MGAT4C: variants seen among roughly 807,000 people sequenced by gnomAD.
MGAT4C encodes alpha-1,3-mannosyl-glycoprotein 4-beta-N-acetylglucosaminyltransferase C.
In MGAT4C, 19 loss-of-function variants were observed where a neutral mutation model predicts 40.1. That is an observed-to-expected ratio of 0.47 (90% CI 0.33 to 0.70). The LOEUF is 0.70. Among genes scored for constraint, MGAT4C ranks in the 30% least tolerant of loss-of-function variants. MGAT4C has a pLI of 0.02. For synonymous variants in MGAT4C, 181 were observed against 187.1 expected, an observed-to-expected ratio of 0.97 and a Z score of 0.27; for missense variants, 491 against 563.2, an observed-to-expected ratio of 0.87 and a Z score of 1.30.
At chr12:86,473,946 T>C (rs1281345128) in intron 2 of MGAT4C, among the ~76,000 whole-genome samples, 1 of 152,082 alleles carries the variant, frequency 6.6e-6, no homozygotes, top group Admixed American at 6.6e-5. Flanking sequence ...TATCAATGGA[T>C]AAAATGAAAA....
chr12:86,786,452 A>G (rs530844356), intron 1 of MGAT4C, among the ~76,000 whole-genome samples: 1 of 152,266 alleles, frequency 6.6e-6, no homozygotes, highest in South Asian at 2.1e-4. Flanking sequence ...GAAGAAAGCA[A>G]GAACAAAGCA....
intron 3 of MGAT4C, among the ~76,000 whole-genome samples, chr12:86,355,754 A>T (rs1955295292): frequency 6.6e-6 from 1 of 152,136 alleles, no homozygotes; most frequent in Non-Finnish European, 1.5e-5. Flanking sequence ...AATAAATAGT[A>T]AAAAAATTTT....
At chr12:86,654,928 TA>T (rs1469198829) in intron 2 of MGAT4C, among the ~76,000 whole-genome samples, 6 of 152,030 alleles carry the variant, frequency 3.9e-5, no homozygotes, top group Non-Finnish European at 8.8e-5. Context: ...TGAAAATAAA[TA>T]AATTATAGAA....
At chr12:86,008,229 T>C (rs1888096311) in intron 2 of MGAT4C, among the ~76,000 whole-genome samples, 1 of 152,016 alleles carries the variant, frequency 6.6e-6, no homozygotes, top group Non-Finnish European at 1.5e-5. Flanking sequence ...ATTTAGAATT[T>C]GAGAATTTGC....
intron 1 of MGAT4C, among the ~76,000 whole-genome samples, chr12:86,232,271 T>C (rs1951355874): frequency 6.6e-6 from 1 of 152,238 alleles, no homozygotes; most frequent in Admixed American, 6.5e-5. Context: ...CCAACACTTA[T>C]TTAACAAATA....
chr12:86,354,859 A>C (rs1955270987), intron 3 of MGAT4C, among the ~76,000 whole-genome samples: 2 of 152,208 alleles, frequency 1.3e-5, no homozygotes, highest in Admixed American at 1.3e-4. Flanking sequence ...ACAGCTCTTA[A>C]AGATGGCAAA....
intron 2 of MGAT4C, among the ~76,000 whole-genome samples, chr12:86,572,445 C>T (rs1960403139): frequency 6.6e-6 from 1 of 152,092 alleles, no homozygotes; most frequent in African/African-American, 2.4e-5. Flanking sequence ...ATATACATAA[C>T]CCTGATTTTA....
In MGAT4C at chr12:85,965,786, A is replaced by G. The variant is rs1435448860; in HGVS notation, c.*13503T>C. The G allele has an allele frequency of 2.0e-5, 3 of 152,058 alleles. No individual in the cohort carries two copies. The highest frequency in any genetic ancestry group is 4.4e-5 in the Non-Finnish European group (3 of 68,008). 9.4% of individuals were successfully genotyped at this position (152,058 alleles called of 1,614,324 possible). A position where few individuals can be genotyped will look rare whatever the true frequency, so the allele number is the denominator to read the frequency against. ...TTAACTTAAAAACTTAGAATTGTCA[A>G]TTCTGTCCAAGTCTCTGAGTCATGT... is the stretch of plus-strand genomic sequence containing the variant. On this transcript the variant is annotated 3_prime_UTR_variant, in exon 5 of 5. Coordinates refer to ENST00000611864, the MANE Select transcript of MGAT4C (RefSeq NM_001351288.2).
intron 2 of MGAT4C, among the ~76,000 whole-genome samples, chr12:86,557,225 C>T (rs1959653516): frequency 6.6e-6 from 1 of 152,098 alleles, no homozygotes; most frequent in African/African-American, 2.4e-5. Flanking sequence ...TATCTAAAAG[C>T]AGCAGAGTTA....
intron 1 of MGAT4C, among the ~76,000 whole-genome samples, chr12:86,804,470 T>C (rs910283948): frequency 3.0e-4 from 46 of 151,024 alleles, no homozygotes; most frequent in Non-Finnish European, 6.2e-4. Context: ...GAAAAAAATA[T>C]ATATTTTTCT....
At chr12:86,820,316 T>C (rs182140591) in intron 1 of MGAT4C, among the ~76,000 whole-genome samples, 1 of 150,918 alleles carries the variant, frequency 6.6e-6, no homozygotes, top group East Asian at 1.9e-4. Context: ...AAGACCCCAT[T>C]TATAATGGTT....
chr12:86,490,673 A>G (rs1328217962), intron 2 of MGAT4C, among the ~76,000 whole-genome samples: 5 of 151,272 alleles, frequency 3.3e-5, no homozygotes, highest in Admixed American at 1.3e-4. Flanking sequence ...TGTATTCAGG[A>G]AAGCAGAGAC....
intron 1 of MGAT4C, among the ~76,000 whole-genome samples, chr12:86,240,039 TA>T (rs1475732713): frequency 2.8e-5 from 1 of 35,534 alleles, no homozygotes; most frequent in Non-Finnish European, 1.1e-4. Context: ...AAAAAAAAAA[TA>T]AAAAATAAAA....
chr12:86,094,589 C>T (rs1204468263), intron 1 of MGAT4C, among the ~76,000 whole-genome samples: 8 of 152,108 alleles, frequency 5.3e-5, no homozygotes, highest in Non-Finnish European at 1.0e-4. Context: ...CTTTTTAAAT[C>T]TCTTTTATTA....
chr12:86,228,901 G>A (rs1018791101), intron 1 of MGAT4C, among the ~76,000 whole-genome samples: 25 of 151,746 alleles, frequency 1.6e-4, no homozygotes, highest in African/African-American at 6.0e-4. Flanking sequence ...TCTACTAGCT[G>A]GTAAATGTTA....
intron 2 of MGAT4C, among the ~76,000 whole-genome samples, chr12:86,619,573 T>G (rs748340298): frequency 2.0e-5 from 3 of 152,292 alleles, no homozygotes; most frequent in Non-Finnish European, 2.9e-5. Context: ...CCTTATACTG[T>G]CCTTCAAATA....
At chr12:86,514,423 T>C (rs1262806990) in intron 2 of MGAT4C, among the ~76,000 whole-genome samples, 3 of 152,178 alleles carry the variant, frequency 2.0e-5, no homozygotes, top group South Asian at 2.1e-4. Flanking sequence ...ATTGGTCTCA[T>C]TGGCTAAAAT....
intron 2 of MGAT4C, among the ~76,000 whole-genome samples, chr12:86,632,490 A>G (rs1050879527): frequency 7.3e-5 from 11 of 149,852 alleles, no homozygotes; most frequent in Admixed American, 6.0e-4. Flanking sequence ...ACAATAGCAA[A>G]GACTTGGAAC....
At chr12:86,594,101 C>G (rs1461384555) in intron 2 of MGAT4C, among the ~76,000 whole-genome samples, 1 of 152,138 alleles carries the variant, frequency 6.6e-6, no homozygotes, top group Non-Finnish European at 1.5e-5. Context: ...GATCGTCTGC[C>G]TCTTAAGTAG....
Sources: gnomAD v4.1 joint callset for allele counts (sites outside exome capture counted in the v4.1 genomes callset) on GRCh38, gnomAD v4.1.1 for gene constraint, MANE v1.5 for transcripts, NCBI Gene and HGNC (gene_info 2026-07-23, HGNC 2026-07-21) for gene names.